Variants in SLC25A21 observed in about 807,000 individuals in gnomAD.
SLC25A21 encodes the protein solute carrier family 25 member 21, also known as mitochondrial 2-oxodicarboxylate carrier.
In SLC25A21, 47 loss-of-function variants were observed where a neutral mutation model predicts 43.8. The observed-to-expected ratio is 1.07, with a 90% CI of 0.85 to 1.37. The LOEUF is 1.37. Ranked by LOEUF, SLC25A21 falls within the 40% of genes most tolerant of loss-of-function variation. The pLI is 0.00. For synonymous variants in SLC25A21, 131 were observed against 121.3 expected (o/e 1.08, Z -0.52); for missense variants, 352 against 350.2 (o/e 1.00, Z -0.04).
chr14:36,896,952 C>T (rs1228188864), intron 1 of SLC25A21, among the ~76,000 whole-genome samples: 2 of 152,178 alleles, frequency 1.3e-5, no homozygotes, highest in African/African-American at 4.8e-5. Context: ...CCCGACCTTT[C>T]TCTCTGGCTG....
At chr14:36,888,104 G>T (rs1890974334) in intron 1 of SLC25A21, among the ~76,000 whole-genome samples, 4 of 152,120 alleles carry the variant, frequency 2.6e-5, no homozygotes, top group African/African-American at 7.2e-5. Context: ...TGTTTTCCAG[G>T]GAGGCAATTG....
At chr14:37,155,604 C>T (rs1411447494) in intron 1 of SLC25A21, among the ~76,000 whole-genome samples, 1 of 152,084 alleles carries the variant, frequency 6.6e-6, no homozygotes, top group Non-Finnish European at 1.5e-5. Context: ...TTAGCAGAAA[C>T]CTTATAGGCC....
intron 2 of SLC25A21, among the ~76,000 whole-genome samples, chr14:36,850,739 G>A (rs1242855527): frequency 6.6e-6 from 1 of 152,150 alleles, no homozygotes; most frequent in Non-Finnish European, 1.5e-5. Context: ...ACGAAAGCCT[G>A]ACTAAAGTCT....
At chr14:36,685,436 G>A (rs1380485368) in intron 7 of SLC25A21, among the ~76,000 whole-genome samples, 1 of 152,154 alleles carries the variant, frequency 6.6e-6, no homozygotes, top group African/African-American at 2.4e-5. Flanking sequence ...ATTTTCACGT[G>A]TAGCTGATCC....
intron 1 of SLC25A21, among the ~76,000 whole-genome samples, chr14:36,970,905 A>C (rs913073311): frequency 6.6e-6 from 1 of 152,154 alleles, no homozygotes; most frequent in Non-Finnish European, 1.5e-5. Flanking sequence ...AATTTTGTTA[A>C]AATTTCTAGC....
intron 1 of SLC25A21, among the ~76,000 whole-genome samples, chr14:36,889,177 G>A (rs1047430335): frequency 1.3e-5 from 2 of 152,132 alleles, no homozygotes; most frequent in Non-Finnish European, 2.9e-5. Flanking sequence ...TGGCTTGTGG[G>A]GGAAAAGAGG....
At chr14:36,918,592 T>A (rs1891893951) in intron 1 of SLC25A21, among the ~76,000 whole-genome samples, 1 of 152,016 alleles carries the variant, frequency 6.6e-6, no homozygotes, top group African/African-American at 2.4e-5. Flanking sequence ...TTTAAAGGGA[T>A]TTCACCAAAG....
At chr14:36,940,062 G>A (rs1379584442) in intron 1 of SLC25A21, among the ~76,000 whole-genome samples, 1 of 152,080 alleles carries the variant, frequency 6.6e-6, no homozygotes, top group African/African-American at 2.4e-5. Context: ...AAGTATTATA[G>A]AATGAGAATC....
chr14:37,116,282 G>T (rs374767925), intron 1 of SLC25A21, among the ~76,000 whole-genome samples: 136 of 152,178 alleles, frequency 8.9e-4, no homozygotes, highest in Admixed American at 1.6e-3. Flanking sequence ...GTCCCACTCC[G>T]GGTAGATAAT....
intron 1 of SLC25A21, among the ~76,000 whole-genome samples, chr14:36,977,206 A>G (rs1392525340): frequency 6.6e-6 from 1 of 152,082 alleles, no homozygotes; most frequent in Non-Finnish European, 1.5e-5. Context: ...GGCCTAATCT[A>G]TCCTCAATAG....
chr14:36,753,938 AGAG>A (rs1885817090), intron 3 of SLC25A21, among the ~76,000 whole-genome samples: 1 of 148,084 alleles, frequency 6.8e-6, no homozygotes, highest in South Asian at 2.1e-4. Flanking sequence ...AGAGAGAGAG[AGAG>A]AGAGAGAGAG....
rs369581055 is a variant in SLC25A21, at chr14:36,685,838, G to A, written c.604-913C>T. ...TATGATTTGTTATAATGAATTTGCT[G>A]GGAAGTTCTCATTATGTTGCCAACC... is the stretch of plus-strand genomic sequence containing the variant. On this transcript the variant is annotated intron_variant, in intron 7 of 9. Transcript: ENST00000331299. Among the ~76,000 whole-genome samples the A allele has an allele frequency of 8.0e-4, 121 of 152,170 alleles. 1 individual carries two copies. Among genetic ancestry groups the A allele is most frequent in the African/African-American group, 2.7e-3 (114 of 41,504 alleles).
intron 1 of SLC25A21, among the ~76,000 whole-genome samples, chr14:36,921,010 T>C (rs1384839705): frequency 1.3e-5 from 2 of 152,168 alleles, no homozygotes; most frequent in African/African-American, 2.4e-5. Flanking sequence ...CTGATAACTA[T>C]TGATTCATGA....
chr14:36,700,337 T>A (rs1486907066), intron 7 of SLC25A21, among the ~76,000 whole-genome samples: 1 of 152,236 alleles, frequency 6.6e-6, no homozygotes, highest in Non-Finnish European at 1.5e-5. Context: ...GAATGCTTGA[T>A]CCTAGTGTAC....
At chr14:36,940,399 T>C (rs1212988877) in intron 1 of SLC25A21, among the ~76,000 whole-genome samples, 3 of 152,048 alleles carry the variant, frequency 2.0e-5, no homozygotes, top group Non-Finnish European at 4.4e-5. Context: ...GGTTGCATTA[T>C]AAATCAAAAC....
At chr14:36,780,155 T>A (rs1421139614) in intron 3 of SLC25A21, among the ~76,000 whole-genome samples, 2 of 151,978 alleles carry the variant, frequency 1.3e-5, no homozygotes, top group Non-Finnish European at 2.9e-5. Flanking sequence ...TAGTCTCTTA[T>A]GATTCTTTGC....
intron 1 of SLC25A21, among the ~76,000 whole-genome samples, chr14:37,164,729 G>C (rs1243168565): frequency 6.6e-6 from 1 of 152,126 alleles, no homozygotes; most frequent in African/African-American, 2.4e-5. Context: ...TAAGAAATTT[G>C]AAAACATCCT....
chr14:36,822,533 G>T (rs747087736), intron 2 of SLC25A21, among the ~76,000 whole-genome samples: 2 of 152,142 alleles, frequency 1.3e-5, no homozygotes, highest in South Asian at 2.1e-4. Context: ...ACCAATAAGT[G>T]TCTCTATGTT....
At chr14:37,146,076 T>C (rs1357720682) in intron 1 of SLC25A21, among the ~76,000 whole-genome samples, 1 of 152,180 alleles carries the variant, frequency 6.6e-6, no homozygotes, top group Non-Finnish European at 1.5e-5. Flanking sequence ...TTCAGATTGT[T>C]TAGGAAATAT....
Sources: gnomAD v4.1 joint callset for allele counts (sites outside exome capture counted in the v4.1 genomes callset) on GRCh38, gnomAD v4.1.1 for gene constraint, MANE v1.5 for transcripts, NCBI Gene and HGNC (gene_info 2026-07-23, HGNC 2026-07-21) for gene names.